Variants in ACSL4 observed in about 807,000 individuals in gnomAD.
ACSL4 encodes the protein long-chain-fatty-acid--CoA ligase 4.
A neutral mutation model predicts 49.1 loss-of-function variants in ACSL4; 9 were observed. The observed-to-expected ratio is 0.18, with a 90% CI of 0.11 to 0.32. The LOEUF (loss-of-function observed/expected upper bound fraction) is 0.32. Ranked by LOEUF, ACSL4 falls within the 10% of genes least tolerant of loss-of-function variation. The pLI is 1.00. For missense variants in ACSL4, 333 were observed against 493.7 expected (o/e 0.67, Z 3.08); for synonymous variants, 191 against 170.3 (o/e 1.12, Z -0.95).
intron 2 of ACSL4, among the ~76,000 whole-genome samples, chrX:109,686,776 GCACACACACACA>G (rs35736807): frequency 3.0e-5 from 3 of 98,925 alleles, no homozygotes; most frequent in East Asian, 3.1e-4. Flanking sequence ...ACACACGCAT[GCACACACACACA>G]CACACACACA....
intron 1 of ACSL4, among the ~76,000 whole-genome samples, chrX:109,722,558 A>G (rs1395232284): frequency 8.9e-6 from 1 of 111,990 alleles, no homozygotes; most frequent in Non-Finnish European, 1.9e-5. Flanking sequence ...ATTTTAATAT[A>G]TTGCACTTTT....
At chrX:109,717,829 G>A (rs753401363) in intron 1 of ACSL4, among the ~76,000 whole-genome samples, 3 of 103,327 alleles carry the variant, frequency 2.9e-5, no homozygotes, top group East Asian at 5.7e-4. Context: ...GGTAGATATC[G>A]TGAAAATTAT....
In ACSL4 at chrX:109,647,179, G is replaced by C. The variant is rs760894762; in HGVS notation, c.1856-2993C>G. 3.6e-4 allele frequency among the ~76,000 whole-genome samples: 40 copies of C among 111,238 alleles called. No individual in the cohort carries two copies. The East Asian group carries it at 0.011, about 30-fold the overall frequency. ...AGCTCTGCACCAAGTGGACCTAATA[G>C]ACATCTACAGAACTCTCCACTCCAA... On this transcript the variant is annotated intron_variant, in intron 15 of 15. Transcript: ENST00000672401.
intron 1 of ACSL4, among the ~76,000 whole-genome samples, chrX:109,718,649 G>C (rs1327099125): frequency 9.1e-6 from 1 of 109,751 alleles, no homozygotes; most frequent in Non-Finnish European, 1.9e-5. Context: ...CAGTACTTAG[G>C]ATGCTTATGT....
intron 15 of ACSL4, among the ~76,000 whole-genome samples, chrX:109,654,358 AT>A (rs1167075075): frequency 9.0e-6 from 1 of 111,518 alleles, no homozygotes; most frequent in African/African-American, 3.3e-5. Flanking sequence ...ATGAATATAG[AT>A]AACCTATAAT....
In ACSL4 at chrX:109,709,471, C is replaced by T. The variant is rs1428349399; in HGVS notation, c.-65-13275G>A. On this transcript the variant is annotated intron_variant, in intron 1 of 15. Transcript: ENST00000672401. Reference sequence around the variant, plus strand: ...AAGTAGGAGGCAGAAAAGGCTGAATCATTTCTTTCTCTCAAAGTTTTTCTT... The same window carrying T: ...AAGTAGGAGGCAGAAAAGGCTGAATTATTTCTTTCTCTCAAAGTTTTTCTT... Among the ~76,000 whole-genome samples, 20 of 112,553 alleles carry T rather than the reference C, an allele frequency of 1.8e-4. No individual in the cohort carries two copies. The Admixed American group carries it at 1.9e-3, about 11-fold the overall frequency.
At chrX:109,730,057 C>T (rs1203842453) in intron 1 of ACSL4, among the ~76,000 whole-genome samples, 1 of 112,010 alleles carries the variant, frequency 8.9e-6, no homozygotes, top group African/African-American at 3.2e-5. Flanking sequence ...TAAATCTACA[C>T]GTGATAACAT....
chrX:109,684,993 T>C lies in ACSL4; in HGVS notation c.-12-1618A>G, dbSNP rs143912362. Reference sequence around the variant, plus strand: ...AGGCAAAGTAATTTTGATTGGATTATGTGGAAAGCTGGGGGCTGCTGCAGG... The same window carrying C: ...AGGCAAAGTAATTTTGATTGGATTACGTGGAAAGCTGGGGGCTGCTGCAGG... On this transcript the variant is annotated intron_variant, in intron 2 of 15. Transcript: ENST00000672401. Among the ~76,000 whole-genome samples the C allele has an allele frequency of 1.1e-3, 121 of 110,812 alleles. 1 individual carries two copies. The East Asian group carries it at 0.028, about 26-fold the overall frequency.
intron 11 of ACSL4, 104 bp downstream of exon 11, chrX:109,667,997 T>C: frequency 1.8e-6 from 1 of 559,791 alleles, no homozygotes; most frequent in East Asian, 3.4e-5. Flanking sequence ...AATCTGATAT[T>C]AGTTAAGAGG....
chrX:109,657,267 A>G (rs1921745941), intron 15 of ACSL4, among the ~76,000 whole-genome samples: 2 of 111,000 alleles, frequency 1.8e-5, no homozygotes, highest in Admixed American at 1.9e-4. Context: ...CACAACATGC[A>G]GGTTTGTTAC....
At chrX:109,692,418 TGTAAA>T (rs1216615921) in intron 2 of ACSL4, among the ~76,000 whole-genome samples, 1 of 112,275 alleles carries the variant, frequency 8.9e-6, no homozygotes, top group African/African-American at 3.2e-5. Context: ...AATAATTGGT[TGTAAA>T]TAATCCAAAG....
Position 109,733,125 on chromosome X carries a change from C to T in ACSL4, c.-66+14G>A, listed in dbSNP as rs1160151231. On this transcript the variant is annotated intron_variant, in intron 1 of 15. Coordinates refer to ENST00000672401, the MANE Select transcript of ACSL4 (RefSeq NM_001318510.2). ...GGTGCCGGGGCCGCAACCTCCCCAT[C>T]CAGGGATACTCACCGGAGGGGCGGC... 1 of 328,202 alleles carries T rather than the reference C, an allele frequency of 3.0e-6. No homozygotes were observed. The highest frequency in any genetic ancestry group is 9.9e-5 in the East Asian group (1 of 10,053). 27.0% of individuals were successfully genotyped at this position (328,202 alleles called of 1,213,427 possible).
At position 109,672,758 on chromosome X, in the gene ACSL4, C is replaced by T. The variant is rs144657121; in HGVS notation, c.1002+1644G>A. Among the ~76,000 whole-genome samples, 13 of 109,005 alleles carry T rather than the reference C, an allele frequency of 1.2e-4. No homozygotes were observed. The East Asian group carries it at 3.8e-3, about 32-fold the overall frequency. The allele number at this position is 109,005 out of a possible 115,157, so 94.7% of individuals were successfully genotyped here. A position where few individuals can be genotyped will look rare whatever the true frequency, so the allele number is the denominator to read the frequency against. Reference sequence around the variant, plus strand: ...ATAGGGAACATTACTATCTCGAGGCCGCAAGACATAAGACAAGTGTCATTG... The same window carrying T: ...ATAGGGAACATTACTATCTCGAGGCTGCAAGACATAAGACAAGTGTCATTG... On this transcript the variant is annotated intron_variant, in intron 9 of 15. Transcript: ENST00000672401.
intron 15 of ACSL4, 67 bp from the exon 16 acceptor site, chrX:109,644,253 C>G: frequency 9.9e-7 from 1 of 1,015,000 alleles, no homozygotes; most frequent in Non-Finnish European, 1.3e-6. Context: ...GGAGTGGGGA[C>G]GGGGAAAGAA....
chrX:109,710,062 G>A (rs769430118), intron 1 of ACSL4, among the ~76,000 whole-genome samples: 34 of 111,830 alleles, frequency 3.0e-4, no homozygotes, highest in African/African-American at 1.0e-3. Context: ...CCAAGATCAC[G>A]CCATTGCACT....
chrX:109,663,141 T>A, intron 13 of ACSL4, 70 bp downstream of exon 13: 1 of 949,101 alleles, frequency 1.1e-6, no homozygotes, highest in Non-Finnish European at 1.5e-6. Flanking sequence ...TAATGACTGA[T>A]CAATATTACC....
intron 9 of ACSL4, among the ~76,000 whole-genome samples, chrX:109,671,637 G>A (rs1312285771): frequency 1.8e-5 from 2 of 112,629 alleles, no homozygotes; most frequent in African/African-American, 6.5e-5. Flanking sequence ...AAATAGAAAA[G>A]GGGGAAATGT....
intron 1 of ACSL4, among the ~76,000 whole-genome samples, chrX:109,708,268 C>G (rs758344113): frequency 2.1e-4 from 24 of 112,363 alleles, no homozygotes; most frequent in Non-Finnish European, 4.3e-4. Context: ...TAGTTTTATC[C>G]TTATAATTTC....
intron 1 of ACSL4, among the ~76,000 whole-genome samples, chrX:109,698,584 ATAT>A (rs755046089): frequency 9.0e-6 from 1 of 111,240 alleles, no homozygotes; most frequent in Non-Finnish European, 1.9e-5. Context: ...GAAGCATATA[ATAT>A]TGTTTGTTTT....
Sources: allele counts gnomAD v4.1 joint callset (sites outside exome capture counted in the v4.1 genomes callset), GRCh38; gene constraint gnomAD v4.1.1; transcripts MANE v1.5; gene names NCBI Gene and HGNC (gene_info 2026-07-23, HGNC 2026-07-21).